Variants in SDAD1 observed in about 807,000 individuals in gnomAD.
SDAD1 encodes the protein protein SDA1 homolog.
In SDAD1, 79 loss-of-function variants were observed where a neutral mutation model predicts 100.3. The observed-to-expected ratio is 0.79, with a 90% confidence interval of 0.66 to 0.95. SDAD1 has a LOEUF of 0.95. SDAD1 is among the 40% of genes least tolerant of loss of function. SDAD1 has a pLI of 0.00. For synonymous variants in SDAD1, 267 were observed against 271.4 expected (o/e 0.98, Z 0.16); for missense variants, 790 against 810.9 (o/e 0.97, Z 0.31).
chr4:75,965,795 G>A lies in SDAD1; in HGVS notation c.1073C>T (p.Ala358Val), dbSNP rs768171575. The A allele has an allele frequency of 9.3e-6, 15 of 1,613,658 alleles. No homozygotes were observed. Among genetic ancestry groups the A allele is most frequent in the Non-Finnish European group, 1.3e-5 (15 of 1,179,820 alleles). ...REVTKILLFA[A>V]QASHHLVPPE... is the part of the protein sequence containing the mutation. ...GGGTACTAGGTGATGAGATGCTTGT[G>A]CAGCAAACAGAAGGATCTTGGTTAC... Residue 358 changes from alanine (A) to valine (V), a missense_variant, in exon 13 of 22, where the codon GCA becomes GTA. Physicochemically the swap from Ala to Val is moderately conservative, Grantham distance 64. Coordinates refer to ENST00000356260, the MANE Select transcript of SDAD1 (RefSeq NM_018115.4).
At position 75,964,138 on chromosome 4, in the gene SDAD1, A is replaced by C; in HGVS notation, c.1178T>G (p.Val393Gly). ...CCTCCAACCAGATTCTACATACCCT[A>C]CTGTCATGACTTCTCCAGAGTTCTT... ...TDKNSGEVMTVGINAIKEITA... is the reference protein window; with the variant it reads ...TDKNSGEVMTGGINAIKEITA... The change falls in exon 14 of 22, where the codon GTA (valine) becomes GGA (glycine). Residue 393 changes from valine (V) to glycine (G), a missense_variant. Physicochemically the swap from Val to Gly is moderately radical, Grantham distance 109. Transcript: ENST00000356260. The C allele has an allele frequency of 6.2e-7, 1 of 1,603,692 alleles. No homozygotes were observed. Among genetic ancestry groups the C allele is most frequent in the Non-Finnish European group, 8.5e-7 (1 of 1,172,276 alleles).
At chr4:75,989,502 T>C (rs1045174016) in intron 1 of SDAD1, among the ~76,000 whole-genome samples, 1 of 152,376 alleles carries the variant, frequency 6.6e-6, no homozygotes, top group South Asian at 2.1e-4. Context: ...ACAGTAGTTA[T>C]ATGTGATTTT....
At chr4:75,958,239 C>T (rs560784016) in intron 17 of SDAD1, among the ~76,000 whole-genome samples, 30 of 152,238 alleles carry the variant, frequency 2.0e-4, no homozygotes, top group Non-Finnish European at 4.0e-4. Context: ...CAAGCCACAC[C>T]GCTAAAAAGG....
intron 21 of SDAD1, 62 bp from the exon 22 acceptor site, chr4:75,950,859 T>C: frequency 8.4e-7 from 1 of 1,188,084 alleles, no homozygotes; most frequent in African/African-American, 1.5e-5. Flanking sequence ...ACGAATTTGG[T>C]TACATGAAAG....
At position 75,981,356 on chromosome 4, in the gene SDAD1, C is replaced by T. The variant is rs371052977; in HGVS notation, c.294+16G>A. ...ATGAACACAGCACAATTTATTCATC[C>T]AACTACTGGTCCTACCATTCGCAGA... is the stretch of plus-strand genomic sequence containing the variant. On this transcript the variant is annotated intron_variant, in intron 3 of 21. Transcript: ENST00000356260. The T allele has an allele frequency of 3.1e-6, 5 of 1,612,014 alleles. No individual in the cohort carries two copies. In the African/African-American group the frequency reaches 4.0e-5, roughly 13 times the overall value.
At position 75,964,166 on chromosome 4, in the gene SDAD1, C is replaced by G; in HGVS notation, c.1150G>C (p.Asp384His). The G allele has an allele frequency of 6.2e-7, 1 of 1,608,832 alleles. No homozygotes were observed. Among genetic ancestry groups the G allele is most frequent in the Non-Finnish European group, 8.5e-7 (1 of 1,178,450 alleles). Residue 384 changes from aspartate to histidine, a missense_variant, in exon 14 of 22, where the codon GAC becomes CAC. By Grantham distance (81) the Asp-to-His change is moderately conservative (BLOSUM62 -1). Coordinates refer to ENST00000356260, the MANE Select transcript of SDAD1 (RefSeq NM_018115.4). ...GTCATGACTTCTCCAGAGTTCTTGT[C>G]GGTAACAAAATTGTTTGCCACAGTC... Reference protein sequence around the residue: ...LMTVANNFVTDKNSGEVMTVG... With the variant: ...LMTVANNFVTHKNSGEVMTVG...
Position 75,975,768 on chromosome 4 carries a change from A to T in SDAD1, c.554T>A (p.Ile185Asn). The T allele has an allele frequency of 6.2e-7, 1 of 1,613,328 alleles. No homozygotes were observed. The highest frequency in any genetic ancestry group is 8.5e-7 in the Non-Finnish European group (1 of 1,179,288). ...TAAKMSLDVM[I>N]ELYRRNIWND... Reference sequence around the variant, plus strand: ...CCAGATGTTCCTTCTGTAGAGTTCAATCATTACATCTAAAGACATCTTGGC... The same window carrying T: ...CCAGATGTTCCTTCTGTAGAGTTCATTCATTACATCTAAAGACATCTTGGC... The change falls in exon 6 of 22, where the codon ATT becomes AAT. Residue 185 changes from isoleucine to asparagine, a missense_variant. By Grantham distance (149) the Ile-to-Asn change is moderately radical. Coordinates refer to ENST00000356260, the MANE Select transcript of SDAD1 (RefSeq NM_018115.4).
chr4:75,972,882 G>T (rs375383623), intron 8 of SDAD1, among the ~76,000 whole-genome samples: 16 of 151,884 alleles, frequency 1.1e-4, no homozygotes, highest in Non-Finnish European at 1.8e-4. Flanking sequence ...TTAGCCAGGC[G>T]TGGTGGCGGG....
chr4:75,980,107 A>T (rs1352242860), intron 3 of SDAD1, among the ~76,000 whole-genome samples: 2 of 152,314 alleles, frequency 1.3e-5, no homozygotes, highest in African/African-American at 4.8e-5. Flanking sequence ...CTATACTCAA[A>T]ATATCAAATC....
In SDAD1 at chr4:75,955,982, TCTCGGAAGGAACGC is replaced by T; in HGVS notation, c.1995_2008del (p.Arg666LysfsTer27). On this transcript the variant is annotated frameshift_variant, in exon 21 of 22. Transcript: ENST00000356260. LOFTEE classifies it high-confidence loss of function. Reference sequence around the variant, plus strand: ...GCTTCAAGTGGAACTCACCTGTTTTTCTCGGAAGGAACGCTTATTTTTTGACCGGACATTCTGGC... The same window carrying T: ...GCTTCAAGTGGAACTCACCTGTTTTTTTATTTTTTGACCGGACATTCTGGC... 1 of 1,596,140 alleles carries T rather than the reference TCTCGGAAGGAACGC, an allele frequency of 6.3e-7. No individual in the cohort carries two copies. Among genetic ancestry groups the T allele is most frequent in the Non-Finnish European group, 8.5e-7 (1 of 1,175,690 alleles).
intron 12 of SDAD1, among the ~76,000 whole-genome samples, chr4:75,966,664 T>C (rs1042007137): frequency 1.3e-5 from 2 of 152,232 alleles, no homozygotes; most frequent in African/African-American, 2.4e-5. Context: ...TTAATATCTA[T>C]TATGAAGATG....
intron 6 of SDAD1, among the ~76,000 whole-genome samples, chr4:75,974,735 G>C (rs1295752883): frequency 7.1e-6 from 1 of 141,126 alleles, no homozygotes; most frequent in Admixed American, 7.1e-5. Flanking sequence ...AAAAATAATC[G>C]AGAATTTAAA....
At position 75,950,825 on chromosome 4, in the gene SDAD1, G is replaced by T. The variant is rs201934600; in HGVS notation, c.2017-28C>A. 1.4e-5 allele frequency: 22 copies of T among 1,523,598 alleles called. No homozygotes were observed. In the South Asian group the frequency reaches 2.0e-4, roughly 14 times the overall value. The allele number at this position is 1,523,598 out of a possible 1,614,324, so 94.4% of individuals were successfully genotyped here. On this transcript the variant is annotated intron_variant, in intron 21 of 21. Coordinates refer to ENST00000356260, the MANE Select transcript of SDAD1 (RefSeq NM_018115.4). ...GTAAGATAAAAAAGTATTGAAACAT[G>T]ATAACTCTTGGGTACCCTATTATAC...
At chr4:75,977,604 G>A (rs745645438) in intron 4 of SDAD1, 42 bp downstream of exon 4, 12 of 1,214,540 alleles carry the variant, frequency 9.9e-6, no homozygotes, top group South Asian at 1.3e-5. Flanking sequence ...ATTTTATGTC[G>A]CCTCAAGGAA....
chr4:75,955,954 C>A (rs1189195665), intron 21 of SDAD1, 21 bp downstream of exon 21: 1 of 1,580,136 alleles, frequency 6.3e-7, no homozygotes, highest in Non-Finnish European at 8.6e-7. Flanking sequence ...TCTTGCCACC[C>A]AAGCTTCAAG....
chr4:75,975,725 A>G lies in SDAD1; in HGVS notation c.578+19T>C. The G allele has an allele frequency of 6.5e-7, 1 of 1,545,842 alleles. No individual in the cohort carries two copies. Among genetic ancestry groups the G allele is most frequent in the Admixed American group, 1.7e-5 (1 of 58,806 alleles). ...GAAAAAAGAGTCTACTTCTCAAGAG[A>G]CAAATATATATACACTACCAGATGT... is the stretch of plus-strand genomic sequence containing the variant. On this transcript the variant is annotated intron_variant, in intron 6 of 21. Transcript: ENST00000356260.
At chr4:75,969,167 TC>T (rs1290569809) in intron 11 of SDAD1, 128 bp downstream of exon 11, 1 of 538,632 alleles carries the variant, frequency 1.9e-6, no homozygotes, top group African/African-American at 1.9e-5. Flanking sequence ...ATGTTACTCT[TC>T]TGTAAATTTT....
chr4:75,967,883 C>T (rs1009417442), intron 11 of SDAD1, among the ~76,000 whole-genome samples: 3 of 139,558 alleles, frequency 2.1e-5, no homozygotes, highest in East Asian at 2.4e-4. Flanking sequence ...AACGTTAACA[C>T]TCTGAAGTCC....
In SDAD1 at chr4:75,963,990, T is replaced by A. The variant is rs1041694031; in HGVS notation, c.1181+145A>T. The A allele has an allele frequency of 3.2e-5, 18 of 564,748 alleles. No homozygotes were observed. The South Asian group carries it at 3.6e-4, about 11-fold the overall frequency. The allele number at this position is 564,748 out of a possible 1,614,324, so 35.0% of individuals were successfully genotyped here. ...AAAATTCTGACCAATAAAAAAATTATCAAGCCTCCCAAAAAGACTGAAATA... is the reference window on the plus strand; with the variant it reads ...AAAATTCTGACCAATAAAAAAATTAACAAGCCTCCCAAAAAGACTGAAATA... On this transcript the variant is annotated intron_variant, in intron 14 of 21. Coordinates refer to ENST00000356260, the MANE Select transcript of SDAD1 (RefSeq NM_018115.4).
Sources: gnomAD v4.1 joint callset for allele counts (sites outside exome capture counted in the v4.1 genomes callset) on GRCh38, gnomAD v4.1.1 for gene constraint, MANE v1.5 for transcripts, NCBI Gene and HGNC (gene_info 2026-07-23, HGNC 2026-07-21) for gene names.